Variants in GLRA3 observed in about 807,000 individuals in gnomAD.
GLRA3 encodes the protein glycine receptor subunit alpha-3.
A neutral mutation model predicts 60.4 loss-of-function variants in GLRA3; 44 were observed. That is an observed-to-expected ratio of 0.73 (90% CI 0.57 to 0.94). GLRA3 has a LOEUF of 0.94. Among genes scored for constraint, GLRA3 ranks in the 40% least tolerant of loss-of-function variants. The pLI is 0.00. For missense variants in GLRA3, 508 were observed against 564.6 expected (o/e 0.90, Z 1.02); for synonymous variants, 223 against 192.9 (o/e 1.16, Z -1.29).
chr4:174,644,645 G>A (rs924102462), intron 9 of GLRA3, among the ~76,000 whole-genome samples: 5 of 152,130 alleles, frequency 3.3e-5, no homozygotes, highest in African/African-American at 7.2e-5. Flanking sequence ...CTTAGAAGAT[G>A]GCCATGTATT....
chr4:174,740,947 T>C (rs369987254), intron 3 of GLRA3, among the ~76,000 whole-genome samples: 17 of 152,354 alleles, frequency 1.1e-4, no homozygotes, highest in African/African-American at 3.8e-4. Context: ...TGCATTCAAT[T>C]GTACGGGCGT....
chr4:174,821,882 T>C (rs1393419234), intron 1 of GLRA3, among the ~76,000 whole-genome samples: 1 of 152,162 alleles, frequency 6.6e-6, no homozygotes, highest in East Asian at 1.9e-4. Context: ...ATACTTCCTT[T>C]TTCTCCACTT....
intron 7 of GLRA3, among the ~76,000 whole-genome samples, chr4:174,672,919 A>T (rs1337405118): frequency 1.3e-5 from 2 of 152,008 alleles, no homozygotes; most frequent in African/African-American, 4.8e-5. Flanking sequence ...TGCGTTGTGT[A>T]TAGTGTGTGT....
chr4:174,658,694 A>G (rs1416401661), intron 8 of GLRA3, among the ~76,000 whole-genome samples: 1 of 152,232 alleles, frequency 6.6e-6, no homozygotes, highest in Non-Finnish European at 1.5e-5. Context: ...GAACATGAAT[A>G]ATTACATTTG....
At chr4:174,750,045 C>G (rs1737405938) in intron 3 of GLRA3, among the ~76,000 whole-genome samples, 1 of 152,132 alleles carries the variant, frequency 6.6e-6, no homozygotes, top group South Asian at 2.1e-4. Context: ...CCCACCTCAA[C>G]CTTCCATCAC....
chr4:174,669,117 T>G (rs1033040552), intron 7 of GLRA3, among the ~76,000 whole-genome samples: 6 of 152,060 alleles, frequency 3.9e-5, no homozygotes, highest in African/African-American at 2.4e-5. Flanking sequence ...ATTCATTTAA[T>G]CATTCATTTT....
chr4:174,656,269 A>G (rs968310713), intron 9 of GLRA3, among the ~76,000 whole-genome samples: 1 of 152,162 alleles, frequency 6.6e-6, no homozygotes, highest in African/African-American at 2.4e-5. Flanking sequence ...AACATATTTT[A>G]ACATTTAGAA....
At chr4:174,661,361 G>T (rs1357516451) in intron 7 of GLRA3, among the ~76,000 whole-genome samples, 1 of 152,050 alleles carries the variant, frequency 6.6e-6, no homozygotes, top group South Asian at 2.1e-4. Context: ...TGGAAAACTT[G>T]ACTCCCATTA....
intron 3 of GLRA3, among the ~76,000 whole-genome samples, chr4:174,736,536 C>G (rs1461164097): frequency 6.6e-6 from 1 of 152,072 alleles, no homozygotes; most frequent in African/African-American, 2.4e-5. Context: ...GATTTACCTA[C>G]TCTGGATATT....
intron 1 of GLRA3, among the ~76,000 whole-genome samples, chr4:174,790,267 G>C (rs1472727563): frequency 6.6e-6 from 1 of 151,948 alleles, no homozygotes; most frequent in Non-Finnish European, 1.5e-5. Flanking sequence ...TCCCTATTCT[G>C]TTGGCTCCAT....
chr4:174,824,483 G>A (rs1740878632), intron 1 of GLRA3, among the ~76,000 whole-genome samples: 1 of 152,070 alleles, frequency 6.6e-6, no homozygotes, highest in African/African-American at 2.4e-5. Context: ...CTAAATTTTA[G>A]CCATATTCCA....
intron 1 of GLRA3, among the ~76,000 whole-genome samples, chr4:174,805,778 A>T (rs1250692088): frequency 6.6e-6 from 1 of 152,170 alleles, no homozygotes; most frequent in Non-Finnish European, 1.5e-5. Flanking sequence ...TTTTCAATAA[A>T]CCATAACATT....
At chr4:174,723,015 T>C (rs1327292157) in intron 4 of GLRA3, 1 of 167,132 alleles carries the variant, frequency 6.0e-6, no homozygotes, top group Non-Finnish European at 1.5e-5. Context: ...ATTTCTAAAT[T>C]ATTTCATACC....
At chr4:174,805,949 G>A (rs1740033791) in intron 1 of GLRA3, among the ~76,000 whole-genome samples, 1 of 152,066 alleles carries the variant, frequency 6.6e-6, no homozygotes, top group South Asian at 2.1e-4. Context: ...TTGATTTAGA[G>A]TATCACTGTC....
At chr4:174,780,905 C>G (rs1398402956) in intron 2 of GLRA3, among the ~76,000 whole-genome samples, 2 of 152,050 alleles carry the variant, frequency 1.3e-5, no homozygotes, top group Non-Finnish European at 2.9e-5. Context: ...GACGGATCAA[C>G]GAGACAGAAA....
intron 9 of GLRA3, among the ~76,000 whole-genome samples, chr4:174,650,101 A>T (rs915647732): frequency 1.3e-5 from 2 of 152,210 alleles, no homozygotes; most frequent in Admixed American, 1.3e-4. Context: ...TGCAAGGTCC[A>T]GCCCCATGAG....
intron 5 of GLRA3, among the ~76,000 whole-genome samples, chr4:174,697,368 AGAAG>A (rs1368979564): frequency 6.6e-6 from 1 of 152,106 alleles, no homozygotes; most frequent in Non-Finnish European, 1.5e-5. Flanking sequence ...TTCAAAAAGC[AGAAG>A]GAAGAAAATG....
chr4:174,702,595 T>A (rs1038550120), intron 5 of GLRA3, among the ~76,000 whole-genome samples: 2 of 151,884 alleles, frequency 1.3e-5, no homozygotes, highest in African/African-American at 4.8e-5. Context: ...TGAGACAGAG[T>A]CTTGCTCTGT....
chr4:174,655,632 A>G (rs565658339), intron 9 of GLRA3, among the ~76,000 whole-genome samples: 2 of 152,228 alleles, frequency 1.3e-5, no homozygotes, highest in Non-Finnish European at 2.9e-5. Flanking sequence ...TGTATCTATA[A>G]ATATATATTG....
Sources: gnomAD v4.1 joint callset for allele counts (sites outside exome capture counted in the v4.1 genomes callset) on GRCh38, gnomAD v4.1.1 for gene constraint, MANE v1.5 for transcripts, NCBI Gene and HGNC (gene_info 2026-07-23, HGNC 2026-07-21) for gene names.